The following DIPK1A variants were observed in gnomAD, a reference collection of about 807,000 sequenced individuals.
DIPK1A encodes family with sequence similarity 69 member A.
A neutral mutation model predicts 40.8 loss-of-function variants in DIPK1A; 27 were observed. The ratio of observed to expected loss-of-function variants is 0.66; its 90% CI spans 0.49 to 0.91. The LOEUF (loss-of-function observed/expected upper bound fraction) is 0.91. Ranked by LOEUF, DIPK1A falls within the 40% of genes least tolerant of loss-of-function variation. DIPK1A has a pLI of 0.00. For missense variants in DIPK1A, 412 were observed against 505.7 expected, an observed-to-expected ratio of 0.81 and a Z score of 1.78; for synonymous variants, 166 against 171.3, an observed-to-expected ratio of 0.97 and a Z score of 0.24.
intron 2 of DIPK1A, among the ~76,000 whole-genome samples, chr1:92,858,310 A>G (rs1201877576): frequency 1.3e-5 from 2 of 152,190 alleles, no homozygotes; most frequent in Non-Finnish European, 2.9e-5. Context: ...CTTTCCTGAC[A>G]CTATTTTCTT....
At chr1:92,890,378 ATCCTGG>A (rs1648807853) in intron 1 of DIPK1A, among the ~76,000 whole-genome samples, 3 of 152,202 alleles carry the variant, frequency 2.0e-5, no homozygotes, top group Non-Finnish European at 2.9e-5. Context: ...GAAAGTGGGC[ATCCTGG>A]TCTTGTTCCA....
At chr1:92,845,015 G>A (rs1328566205) in intron 4 of DIPK1A, among the ~76,000 whole-genome samples, 1 of 134,022 alleles carries the variant, frequency 7.5e-6, no homozygotes, top group African/African-American at 2.8e-5. Context: ...CGCGATCTCA[G>A]CTCACTGCAA....
chr1:92,840,692 C>T (rs1242042367), downstream of DIPK1A: 1 of 1,275,756 alleles, frequency 7.8e-7, no homozygotes, highest in Non-Finnish European at 1.1e-6. Context: ...GAATGGTTCC[C>T]ACGTGGGGCA....
chr1:92,862,478 T>C (rs775485831), intron 2 of DIPK1A, among the ~76,000 whole-genome samples: 16 of 152,172 alleles, frequency 1.1e-4, no homozygotes, highest in Non-Finnish European at 1.6e-4. Flanking sequence ...ATTTCCTTCA[T>C]ATCCTTTGAG....
chr1:92,845,436 A>C, intron 4 of DIPK1A: 1 of 306,200 alleles, frequency 3.3e-6, no homozygotes, highest in Non-Finnish European at 6.3e-6. Flanking sequence ...TGGGAAGCCA[A>C]GGTGGGCAGA....
chr1:92,927,067 T>C (rs968997186), intron 1 of DIPK1A, among the ~76,000 whole-genome samples: 3 of 152,176 alleles, frequency 2.0e-5, no homozygotes, highest in Admixed American at 1.3e-4. Flanking sequence ...GTTCCTCTTT[T>C]GGGGTGAACT....
chr1:92,895,454 AC>A (rs1557474340), intron 1 of DIPK1A, among the ~76,000 whole-genome samples: 4 of 152,084 alleles, frequency 2.6e-5, no homozygotes, highest in East Asian at 1.9e-4. Flanking sequence ...AAATTCAACA[AC>A]CCTTCATGCT....
intron 4 of DIPK1A, among the ~76,000 whole-genome samples, chr1:92,844,927 T>C (rs1269982245): frequency 1.3e-5 from 2 of 149,668 alleles, no homozygotes; most frequent in Non-Finnish European, 3.0e-5. Flanking sequence ...ATTTAATCTA[T>C]ATATTAGTAT....
At chr1:92,882,153 C>T (rs1181223680) in intron 1 of DIPK1A, among the ~76,000 whole-genome samples, 1 of 152,138 alleles carries the variant, frequency 6.6e-6, no homozygotes, top group South Asian at 2.1e-4. Context: ...TTTGGGAGGC[C>T]GAGGTGGGCA....
intron 1 of DIPK1A, among the ~76,000 whole-genome samples, chr1:92,942,820 C>G (rs112969454): frequency 0.031 from 4,680 of 152,166 alleles, 207 homozygotes; most frequent in African/African-American, 0.1. Context: ...CCCGCCACCA[C>G]GCCCAGCTAA....
chr1:92,891,886 A>G (rs1489807316), intron 1 of DIPK1A, among the ~76,000 whole-genome samples: 2 of 152,194 alleles, frequency 1.3e-5, no homozygotes, highest in Non-Finnish European at 2.9e-5. Context: ...GGAGGGTCCT[A>G]CGCCCATGGA....
chr1:92,836,462 G>C, intron 4 of DIPK1A: 4 of 1,388,478 alleles, frequency 2.9e-6, no homozygotes, highest in Non-Finnish European at 4.1e-6. Flanking sequence ...GTTGGACTGT[G>C]GAGATAACCG....
chr1:92,948,473 G>A (rs538366989), intron 1 of DIPK1A, among the ~76,000 whole-genome samples: 43 of 151,130 alleles, frequency 2.8e-4, no homozygotes, highest in African/African-American at 9.9e-4. Context: ...AAATAGAGAC[G>A]GGTTCTCATT....
chr1:92,855,328 C>A (rs1687948415), intron 2 of DIPK1A, among the ~76,000 whole-genome samples: 1 of 151,930 alleles, frequency 6.6e-6, no homozygotes, highest in South Asian at 2.1e-4. Flanking sequence ...GACGAAAAAA[C>A]CAAGATACTG....
chr1:92,874,752 T>C (rs769358844), intron 2 of DIPK1A, among the ~76,000 whole-genome samples: 1 of 152,174 alleles, frequency 6.6e-6, no homozygotes, highest in Non-Finnish European at 1.5e-5. Flanking sequence ...TCTTTTCTGA[T>C]GTAGGGTAGC....
chr1:92,834,908 C>G, intron 4 of DIPK1A: 1 of 1,601,044 alleles, frequency 6.2e-7, no homozygotes, highest in Non-Finnish European at 8.5e-7. Flanking sequence ...GCTGCTGGCC[C>G]GCAGGGTATG....
intron 2 of DIPK1A, among the ~76,000 whole-genome samples, chr1:92,863,494 G>A (rs1647374226): frequency 6.7e-6 from 1 of 150,300 alleles, no homozygotes; most frequent in Non-Finnish European, 1.5e-5. Context: ...CACTTTGGGA[G>A]GCTGAGGTGG....
At chr1:92,880,594 C>A (rs761879445) in intron 1 of DIPK1A, among the ~76,000 whole-genome samples, 3 of 152,154 alleles carry the variant, frequency 2.0e-5, no homozygotes, top group Non-Finnish European at 4.4e-5. Flanking sequence ...CTTCTGGCCA[C>A]GCGGTGGCTC....
chr1:92,864,458 G>C (rs1402622124), intron 2 of DIPK1A, among the ~76,000 whole-genome samples: 1 of 152,106 alleles, frequency 6.6e-6, no homozygotes, highest in Non-Finnish European at 1.5e-5. Flanking sequence ...TTATTACCCA[G>C]GTAGAAACTT....
Sources: gnomAD v4.1 joint callset for allele counts (sites outside exome capture counted in the v4.1 genomes callset) on GRCh38, gnomAD v4.1.1 for gene constraint, MANE v1.5 for transcripts, NCBI Gene and HGNC (gene_info 2026-07-23, HGNC 2026-07-21) for gene names.